The following PEBP4 variants were observed in gnomAD, a reference collection of about 807,000 sequenced individuals.
PEBP4 encodes phosphatidylethanolamine binding protein 4.
Under a neutral mutation model 23.9 loss-of-function variants are expected in PEBP4, and 22 were observed. That is an observed-to-expected ratio of 0.92 (90% CI 0.66 to 1.31). The LOEUF (loss-of-function observed/expected upper bound fraction) is 1.31, where lower values mean the gene tolerates loss of function less well. PEBP4 is among the 40% of genes most tolerant of loss of function. The pLI, the probability that PEBP4 is intolerant of heterozygous loss-of-function variation, is 0.00. For missense variants in PEBP4, 324 were observed against 281.7 expected, an observed-to-expected ratio of 1.15 and a Z score of -1.07; for synonymous variants, 112 against 99.3, an observed-to-expected ratio of 1.13 and a Z score of -0.76.
At chr8:22,825,808 T>C (rs1405831374) in intron 3 of PEBP4, among the ~76,000 whole-genome samples, 1 of 152,170 alleles carries the variant, frequency 6.6e-6, no homozygotes, top group Non-Finnish European at 1.5e-5. Context: ...AACAGATGAA[T>C]GGATAAAGAA....
At chr8:22,716,023 A>G (rs1183225581) in intron 6 of PEBP4, among the ~76,000 whole-genome samples, 1 of 152,026 alleles carries the variant, frequency 6.6e-6, no homozygotes, top group Non-Finnish European at 1.5e-5. Context: ...ACTCCACTGT[A>G]TCCTGGATGC....
At chr8:22,789,940 T>A (rs886471567) in intron 4 of PEBP4, among the ~76,000 whole-genome samples, 2 of 152,224 alleles carry the variant, frequency 1.3e-5, no homozygotes, top group African/African-American at 4.8e-5. Context: ...CTCTTTCTGA[T>A]GCAAGAGAGA....
chr8:22,916,672 A>G (rs1449510512), intron 3 of PEBP4, among the ~76,000 whole-genome samples: 1 of 152,202 alleles, frequency 6.6e-6, no homozygotes, highest in Non-Finnish European at 1.5e-5. Context: ...TCATTCATGC[A>G]TTCATGCATT....
chr8:22,816,987 T>C (rs1806755541), intron 4 of PEBP4, among the ~76,000 whole-genome samples: 1 of 152,174 alleles, frequency 6.6e-6, no homozygotes, highest in African/African-American at 2.4e-5. Context: ...ATCCAAAACT[T>C]GTTTGGCAAC....
intron 4 of PEBP4, among the ~76,000 whole-genome samples, chr8:22,753,258 T>C (rs1805306038): frequency 1.3e-5 from 2 of 152,196 alleles, no homozygotes; most frequent in South Asian, 4.1e-4. Context: ...TCTTAGAGAA[T>C]AGATGCTCCC....
chr8:22,924,128 T>C lies in PEBP4; in HGVS notation c.131+3456A>G, dbSNP rs150732937. ...CTGTAATACCGGCACTTTGGGAGGC[T>C]GAGGCAGCAGGATTGCTTGAGCCCA... On this transcript the variant is annotated intron_variant, in intron 2 of 6. Transcript: ENST00000256404. Among the ~76,000 whole-genome samples, 3 of 152,268 alleles carry C rather than the reference T, an allele frequency of 2.0e-5. No individual in the cohort carries two copies. In the East Asian group the frequency reaches 5.8e-4, roughly 29 times the overall value.
At chr8:22,879,367 A>G (rs533749764) in intron 3 of PEBP4, 1 of 152,258 alleles carries the variant, frequency 6.6e-6, no homozygotes, top group African/African-American at 2.4e-5. Flanking sequence ...GACCTGCCGA[A>G]AAAAGGGCAC....
chr8:22,939,679 G>C (rs1441407269), intron 1 of PEBP4, among the ~76,000 whole-genome samples: 2 of 151,918 alleles, frequency 1.3e-5, no homozygotes, highest in East Asian at 1.9e-4. Context: ...TGGTGGCAAT[G>C]ATGGGGCTGG....
Position 22,920,197 on chromosome 8 carries a change from G to A in PEBP4, c.245C>T (p.Pro82Leu), listed in dbSNP as rs74484614. ...CTGCTCACTCACGTCCACGGCCCCCGGGAACTTGACTATCGGCTCCATCCA... is the reference window on the plus strand; with the variant it reads ...CTGCTCACTCACGTCCACGGCCCCCAGGAACTTGACTATCGGCTCCATCCA... ...TSWMEPIVKF[P>L]GAVDGATYIL... The change falls in exon 3 of 7, where the codon CCG becomes CTG. Residue 82 changes from proline (P) to leucine (L), a missense_variant. Coordinates refer to ENST00000256404, the MANE Select transcript of PEBP4 (RefSeq NM_144962.3). The A allele has an allele frequency of 1.6e-3, 2,613 of 1,610,940 alleles. 3 individuals are homozygous for A. Among genetic ancestry groups the A allele is most frequent in the Middle Eastern group, 7.7e-3 (46 of 6,012 alleles).
intron 2 of PEBP4, among the ~76,000 whole-genome samples, chr8:22,922,974 T>C (rs2128781172): frequency 6.6e-6 from 1 of 152,316 alleles, no homozygotes; most frequent in South Asian, 2.1e-4. Context: ...TGACTTTTAC[T>C]GGGCCACCCC....
intron 3 of PEBP4, chr8:22,878,051 C>CA (rs1222070097): frequency 2.0e-5 from 3 of 152,252 alleles, no homozygotes; most frequent in Admixed American, 6.5e-5. Flanking sequence ...ACCTGTGTCC[C>CA]CAGCCCTCCC....
intron 4 of PEBP4, among the ~76,000 whole-genome samples, chr8:22,796,111 C>A (rs1806254141): frequency 6.6e-6 from 1 of 152,224 alleles, no homozygotes; most frequent in Non-Finnish European, 1.5e-5. Flanking sequence ...TTATGGGTGG[C>A]CTCACATTGC....
intron 4 of PEBP4, among the ~76,000 whole-genome samples, chr8:22,759,900 G>A (rs1162148826): frequency 6.6e-6 from 1 of 152,130 alleles, no homozygotes; most frequent in Non-Finnish European, 1.5e-5. Flanking sequence ...GCACATGCTT[G>A]CATCTGTGTG....
chr8:22,743,738 A>T (rs561428197), intron 4 of PEBP4, among the ~76,000 whole-genome samples: 16 of 152,298 alleles, frequency 1.1e-4, no homozygotes, highest in Non-Finnish European at 2.4e-4. Flanking sequence ...TCACACATGG[A>T]GGCCAGAAAG....
chr8:22,885,568 A>G (rs1389868292), intron 3 of PEBP4: 1 of 152,200 alleles, frequency 6.6e-6, no homozygotes, highest in African/African-American at 2.4e-5. Flanking sequence ...TTCTGCCTGA[A>G]GCAAAGGAGC....
At chr8:22,862,220 A>G (rs529461175) in intron 3 of PEBP4, among the ~76,000 whole-genome samples, 270 of 152,282 alleles carry the variant, frequency 1.8e-3, no homozygotes, top group African/African-American at 6.1e-3. Flanking sequence ...TAACCACACA[A>G]GTAACTCAAT....
chr8:22,827,852 A>T (rs1277851163), intron 3 of PEBP4, among the ~76,000 whole-genome samples: 1 of 152,204 alleles, frequency 6.6e-6, no homozygotes, highest in African/African-American at 2.4e-5. Flanking sequence ...TTCCACCAGA[A>T]GGTTCTAGTT....
chr8:22,876,444 G>A (rs930135639), intron 3 of PEBP4, among the ~76,000 whole-genome samples: 14 of 152,192 alleles, frequency 9.2e-5, no homozygotes, highest in African/African-American at 3.4e-4. Context: ...AGTATCCAGC[G>A]TATTCTTCCA....
Position 22,862,402 on chromosome 8 carries a change from G to GTCCCT in PEBP4, c.259-44668_259-44667insAGGGA, listed in dbSNP as rs1422790979. Among the ~76,000 whole-genome samples the GTCCCT allele has an allele frequency of 5.7e-4, 87 of 152,208 alleles. No homozygotes were observed. The East Asian group carries it at 0.012, about 20-fold the overall frequency. On this transcript the variant is annotated intron_variant, in intron 3 of 6. Transcript: ENST00000256404. The stretch of plus-strand genomic sequence containing the variant: ...TCCTGCCCCAGAAGAGTGATTCAGC[G>GTCCCT]ATTAATGTCAGGGTCCCTGATTTCC...
Sources: gnomAD v4.1 joint callset for allele counts (sites outside exome capture counted in the v4.1 genomes callset) on GRCh38, gnomAD v4.1.1 for gene constraint, MANE v1.5 for transcripts, NCBI Gene and HGNC (gene_info 2026-07-23, HGNC 2026-07-21) for gene names.